ROBO2: variants seen among roughly 807,000 people sequenced by gnomAD.
The protein encoded by ROBO2 is roundabout guidance receptor 2.
A neutral mutation model predicts 160.8 loss-of-function variants in ROBO2; 53 were observed. The observed-to-expected ratio is 0.33, with a 90% CI of 0.26 to 0.41. The LOEUF (loss-of-function observed/expected upper bound fraction) is 0.41. ROBO2 is among the 10% of genes least tolerant of loss of function. ROBO2 has a pLI of 1.00. For synonymous variants in ROBO2, 664 were observed against 611.7 expected, an observed-to-expected ratio of 1.09 and a Z score of -1.26; for missense variants, 1,577 against 1,722.4, an observed-to-expected ratio of 0.92 and a Z score of 1.49.
chr3:77,314,575 G>A (rs1449214239), intron 2 of ROBO2, among the ~76,000 whole-genome samples: 2 of 152,142 alleles, frequency 1.3e-5, no homozygotes, highest in Admixed American at 1.3e-4. Context: ...GATGTTCTGT[G>A]ACTCCAAGAC....
rs944580977 is a variant in ROBO2 at position 77,316,753 on chromosome 3, C to A, written c.389-160661C>A. On this transcript the variant is annotated intron_variant, in intron 2 of 25. Transcript: ENST00000461745. ...ATTAAACAATTGTATGGTATTCATTCATGCTTGAAATTTCAGTCCTAGACC... is the reference window on the plus strand; with the variant it reads ...ATTAAACAATTGTATGGTATTCATTAATGCTTGAAATTTCAGTCCTAGACC... 1.1e-5 allele frequency: 12 copies of A among 1,049,268 alleles called. No individual in the cohort carries two copies. In the Admixed American group the frequency reaches 2.0e-4, roughly 18 times the overall value. The allele number at this position is 1,049,268 out of a possible 1,614,324, so 65.0% of individuals were successfully genotyped here.
chr3:76,698,205 T>C (rs2092971983), intron 2 of ROBO2, among the ~76,000 whole-genome samples: 1 of 152,172 alleles, frequency 6.6e-6, no homozygotes, highest in Admixed American at 6.5e-5. Context: ...AGCACGCCAG[T>C]GAGAATGGAG....
At chr3:76,223,916 C>T (rs1704130861) in intron 2 of ROBO2, among the ~76,000 whole-genome samples, 2 of 152,152 alleles carry the variant, frequency 1.3e-5, no homozygotes, top group African/African-American at 4.8e-5. Context: ...TAGCTCTTTA[C>T]TTCTTATAAG....
intron 2 of ROBO2, among the ~76,000 whole-genome samples, chr3:77,157,073 A>G (rs1044526449): frequency 6.6e-6 from 1 of 151,978 alleles, no homozygotes; most frequent in Non-Finnish European, 1.5e-5. Context: ...ATGAGTCTGC[A>G]CATTAAATAG....
At chr3:77,295,124 G>C (rs1372389418) in intron 2 of ROBO2, among the ~76,000 whole-genome samples, 1 of 150,572 alleles carries the variant, frequency 6.6e-6, no homozygotes, top group African/African-American at 2.5e-5. Context: ...GCTGAGGCTA[G>C]GTCACCCCAG....
chr3:76,978,544 T>C (rs147200090), intron 2 of ROBO2, among the ~76,000 whole-genome samples: 70 of 152,222 alleles, frequency 4.6e-4, no homozygotes, highest in African/African-American at 1.7e-3. Context: ...GAGAACTATA[T>C]TGCTCAGAAA....
chr3:76,938,110 T>A (rs10154936), intron 2 of ROBO2, among the ~76,000 whole-genome samples: 72,951 of 151,924 alleles, frequency 0.48, 18,339 homozygotes, highest in African/African-American at 0.64. Context: ...ATAAGGCTGG[T>A]TTCTTTGGCA....
At chr3:76,381,034 TAAAAAAAAA>T (rs57061903) in intron 2 of ROBO2, among the ~76,000 whole-genome samples, 2 of 105,480 alleles carry the variant, frequency 1.9e-5, no homozygotes, top group East Asian at 5.5e-4. Context: ...GTGAGCGGAC[TAAAAAAAAA>T]AAAAAAAAGC....
chr3:76,638,955 T>C (rs7621333), intron 2 of ROBO2, among the ~76,000 whole-genome samples: 3,136 of 152,258 alleles, frequency 0.021, 107 homozygotes, highest in African/African-American at 0.07. Context: ...GTGATATCTG[T>C]GATGTACTGC....
chr3:76,745,834 T>G lies in ROBO2; in HGVS notation c.110-352180T>G, dbSNP rs1432548267. 2.0e-5 allele frequency among the ~76,000 whole-genome samples: 3 copies of G among 148,214 alleles called. No individual in the cohort carries two copies. In the Admixed American group the frequency reaches 2.0e-4, roughly 10 times the overall value. On this transcript the variant is annotated intron_variant, in intron 2 of 26. Transcript: ENST00000487694. ...TTATTTATTTATTTATTTATTTATT[T>G]ATTTTATTATTATTATACTTTAAGT...
At chr3:76,915,734 A>T (rs2076265551) in intron 2 of ROBO2, among the ~76,000 whole-genome samples, 1 of 151,924 alleles carries the variant, frequency 6.6e-6, no homozygotes, top group African/African-American at 2.4e-5. Context: ...CGGCTCTGTG[A>T]CTTCCATATC....
intron 2 of ROBO2, among the ~76,000 whole-genome samples, chr3:77,458,068 C>T (rs1053235005): frequency 6.6e-6 from 1 of 152,050 alleles, no homozygotes; most frequent in African/African-American, 2.4e-5. Context: ...TCACTTAATC[C>T]TCATCGCCGC....
At chr3:76,063,859 A>G (rs2068150956) in intron 2 of ROBO2, among the ~76,000 whole-genome samples, 1 of 152,166 alleles carries the variant, frequency 6.6e-6, no homozygotes, top group South Asian at 2.1e-4. Flanking sequence ...AAATTATACC[A>G]CAAGAGTGAT....
chr3:76,888,934 T>C (rs1357333757), intron 2 of ROBO2, among the ~76,000 whole-genome samples: 2 of 152,248 alleles, frequency 1.3e-5, no homozygotes, highest in East Asian at 3.8e-4. Flanking sequence ...AAAGCCAATT[T>C]TTCCTGGAGC....
Position 76,980,618 on chromosome 3 carries a change from G to A in ROBO2, c.110-117396G>A, listed in dbSNP as rs925084269. Among the ~76,000 whole-genome samples, 7 of 152,112 alleles carry A rather than the reference G, an allele frequency of 4.6e-5. No individual in the cohort carries two copies. In the South Asian group the frequency reaches 1.5e-3, roughly 32 times the overall value. On this transcript the variant is annotated intron_variant, in intron 2 of 26. Transcript: ENST00000487694. ...ACTTGAACTATGCATTTTGGGAAGTGGGTTTAACTTTATTATTAAAATTAA... is the reference window on the plus strand; with the variant it reads ...ACTTGAACTATGCATTTTGGGAAGTAGGTTTAACTTTATTATTAAAATTAA...
At chr3:76,332,473 T>A (rs1007209971) in intron 2 of ROBO2, among the ~76,000 whole-genome samples, 4 of 152,330 alleles carry the variant, frequency 2.6e-5, no homozygotes, top group Non-Finnish European at 4.4e-5. Flanking sequence ...TTTAAATGTG[T>A]TTTCCATCTT....
intron 2 of ROBO2, among the ~76,000 whole-genome samples, chr3:76,369,106 T>G (rs181493404): frequency 1.3e-5 from 2 of 152,142 alleles, no homozygotes; most frequent in East Asian, 3.9e-4. Flanking sequence ...CCACGCCTGC[T>G]ACTCTATCCA....
chr3:76,399,847 A>G (rs2077711114), intron 2 of ROBO2, among the ~76,000 whole-genome samples: 1 of 151,772 alleles, frequency 6.6e-6, no homozygotes, highest in Non-Finnish European at 1.5e-5. Context: ...AGCATTTTAG[A>G]AAAACTAGGC....
chr3:76,201,950 G>A (rs1347842845), intron 2 of ROBO2, among the ~76,000 whole-genome samples: 4 of 145,510 alleles, frequency 2.7e-5, no homozygotes, highest in African/African-American at 1.0e-4. Flanking sequence ...CTTCAAACCA[G>A]CCCACCACTT....
Sources: allele counts gnomAD v4.1 joint callset (sites outside exome capture counted in the v4.1 genomes callset), GRCh38; gene constraint gnomAD v4.1.1; transcripts MANE v1.5; gene names NCBI Gene and HGNC (gene_info 2026-07-23, HGNC 2026-07-21).